The following CNTNAP2 variants were observed in gnomAD, a reference collection of about 807,000 sequenced individuals.
CNTNAP2 encodes the protein contactin-associated protein-like 2.
A neutral mutation model predicts 155.2 loss-of-function variants in CNTNAP2; 98 were observed. The observed-to-expected ratio is 0.63, with a 90% confidence interval of 0.54 to 0.75. The LOEUF is 0.75. CNTNAP2 is among the 30% of genes least tolerant of loss of function. CNTNAP2 has a pLI of 0.00. For synonymous variants in CNTNAP2, 651 were observed against 631.2 expected, an observed-to-expected ratio of 1.03 and a Z score of -0.47; for missense variants, 1,727 against 1,688.1, an observed-to-expected ratio of 1.02 and a Z score of -0.40.
At chr7:147,292,335 A>G (rs976357735) in intron 8 of CNTNAP2, among the ~76,000 whole-genome samples, 1 of 152,210 alleles carries the variant, frequency 6.6e-6, no homozygotes, top group Non-Finnish European at 1.5e-5. Context: ...TTAAAAAACA[A>G]TTGACTACCT....
intron 1 of CNTNAP2, among the ~76,000 whole-genome samples, chr7:146,163,551 C>CTATA (rs1562973300): frequency 2.3e-4 from 32 of 137,872 alleles, no homozygotes; most frequent in Non-Finnish European, 3.3e-4. Context: ...ATCTATATAT[C>CTATA]TATATCTATA....
rs554204966 is a variant in CNTNAP2, at chr7:148,181,370, G to A, written c.3010+8892G>A. Reference sequence around the variant, plus strand: ...TTAAAAAATAAAGAGAGAAGGAAGAGCCAAAAAGTCAGAAAATATTTATGG... The same window carrying A: ...TTAAAAAATAAAGAGAGAAGGAAGAACCAAAAAGTCAGAAAATATTTATGG... On this transcript the variant is annotated intron_variant, in intron 18 of 23. Transcript: ENST00000361727. 6.6e-5 allele frequency among the ~76,000 whole-genome samples: 10 copies of A among 152,186 alleles called. 1 individual carries two copies. The South Asian group carries it at 2.1e-3, about 32-fold the overall frequency.
At chr7:147,246,020 A>G (rs1301713001) in intron 8 of CNTNAP2, among the ~76,000 whole-genome samples, 3 of 149,556 alleles carry the variant, frequency 2.0e-5, no homozygotes, top group Non-Finnish European at 4.4e-5. Context: ...TATAAATAAG[A>G]CTCACACATA....
chr7:146,639,936 G>A (rs1023644213), intron 1 of CNTNAP2, among the ~76,000 whole-genome samples: 6 of 152,302 alleles, frequency 3.9e-5, no homozygotes, highest in Middle Eastern at 3.4e-3. Flanking sequence ...AATAGCCAAC[G>A]GCACCCAAGA....
intron 1 of CNTNAP2, among the ~76,000 whole-genome samples, chr7:146,244,400 G>T (rs929407896): frequency 3.3e-5 from 5 of 152,068 alleles, no homozygotes; most frequent in African/African-American, 1.2e-4. Flanking sequence ...TTTTTTGGGG[G>T]CACAGTCTAA....
intron 8 of CNTNAP2, among the ~76,000 whole-genome samples, chr7:147,277,808 T>G (rs1323708401): frequency 6.6e-6 from 1 of 151,672 alleles, no homozygotes; most frequent in Non-Finnish European, 1.5e-5. Context: ...ACTTTATTGA[T>G]AGTGGCCACA....
intron 1 of CNTNAP2, among the ~76,000 whole-genome samples, chr7:146,552,295 G>C (rs1798134247): frequency 6.6e-6 from 1 of 152,092 alleles, no homozygotes; most frequent in South Asian, 2.1e-4. Context: ...ACCTGCAACA[G>C]TTCCTTCCTC....
At chr7:146,797,707 C>T (rs1298859541) in intron 2 of CNTNAP2, among the ~76,000 whole-genome samples, 1 of 152,150 alleles carries the variant, frequency 6.6e-6, no homozygotes, top group African/African-American at 2.4e-5. Flanking sequence ...AACAAGCTAC[C>T]ACCAAAATCT....
intron 1 of CNTNAP2, among the ~76,000 whole-genome samples, chr7:146,737,230 T>A (rs1247594991): frequency 6.6e-6 from 1 of 152,184 alleles, no homozygotes; most frequent in Non-Finnish European, 1.5e-5. Flanking sequence ...GTGAAATGAC[T>A]AAATCTGGCT....
At chr7:147,120,544 C>T (rs1801084656) in intron 5 of CNTNAP2, among the ~76,000 whole-genome samples, 1 of 152,080 alleles carries the variant, frequency 6.6e-6, no homozygotes, top group Non-Finnish European at 1.5e-5. Flanking sequence ...CACTTTTTTC[C>T]ATGTTTAATA....
chr7:147,044,062 TC>T lies in CNTNAP2; in HGVS notation c.550+9del. ...TTTATGGCTGTTCTTACTGTGAGTA[TC>T]GTATTGTTTAAATTTGTGGCAGGTT... On this transcript the variant is annotated intron_variant, in intron 4 of 23. Transcript: ENST00000361727. 6.2e-7 allele frequency: 1 copy of T among 1,614,088 alleles called. No homozygotes were observed. Among genetic ancestry groups the T allele is most frequent in the Non-Finnish European group, 8.5e-7 (1 of 1,179,972 alleles).
intron 1 of CNTNAP2, among the ~76,000 whole-genome samples, chr7:146,686,228 G>C (rs2642491): frequency 0.8 from 121,710 of 152,030 alleles, 49,311 homozygotes; most frequent in South Asian, 0.91. Context: ...CCCAGGAGGT[G>C]AAGGCTGTTG....
At position 146,831,449 on chromosome 7, in the gene CNTNAP2, G is replaced by T. The variant is rs913813680; in HGVS notation, c.209-8262G>T. Reference sequence around the variant, plus strand: ...TCTCTGCACTTTGGGAAGCCGAGGTGGGCGGATCATGAGGTCGAGAGATCG... The same window carrying T: ...TCTCTGCACTTTGGGAAGCCGAGGTTGGCGGATCATGAGGTCGAGAGATCG... On this transcript the variant is annotated intron_variant, in intron 2 of 23. Coordinates refer to ENST00000361727, the MANE Select transcript of CNTNAP2 (RefSeq NM_014141.6). 4.6e-5 allele frequency among the ~76,000 whole-genome samples: 7 copies of T among 151,928 alleles called. No individual in the cohort carries two copies. In the East Asian group the frequency reaches 1.4e-3, roughly 29 times the overall value.
intron 13 of CNTNAP2, among the ~76,000 whole-genome samples, chr7:147,798,009 C>G (rs555314731): frequency 6.6e-6 from 1 of 152,202 alleles, no homozygotes; most frequent in Non-Finnish European, 1.5e-5. Flanking sequence ...CGTGGTAATA[C>G]AGCCGTAACT....
intron 1 of CNTNAP2, among the ~76,000 whole-genome samples, chr7:146,391,118 G>A (rs1795537358): frequency 6.8e-6 from 1 of 147,258 alleles, no homozygotes; most frequent in Admixed American, 6.8e-5. Flanking sequence ...TATATATTTA[G>A]TATATATATT....
intron 16 of CNTNAP2, 106 bp from the exon 17 acceptor site, chr7:148,147,385 C>T (rs1032846120): frequency 1.9e-6 from 2 of 1,075,770 alleles, no homozygotes; most frequent in African/African-American, 1.5e-5. Context: ...ACGTGACAGG[C>T]TTAGATGATT....
chr7:148,272,663 C>T (rs1796803798), intron 21 of CNTNAP2, among the ~76,000 whole-genome samples: 1 of 152,018 alleles, frequency 6.6e-6, no homozygotes, highest in Non-Finnish European at 1.5e-5. Context: ...TATACAATCA[C>T]CTAAATAGAA....
At chr7:147,559,467 A>G (rs1489810654) in intron 11 of CNTNAP2, among the ~76,000 whole-genome samples, 2 of 152,252 alleles carry the variant, frequency 1.3e-5, no homozygotes, top group East Asian at 3.9e-4. Flanking sequence ...CTAGAAGAAC[A>G]TTGGTTAAAA....
intron 17 of CNTNAP2, among the ~76,000 whole-genome samples, chr7:148,158,562 C>G (rs1805450581): frequency 6.6e-6 from 1 of 152,088 alleles, no homozygotes; most frequent in African/African-American, 2.4e-5. Context: ...ATAATCAAAT[C>G]AACAGTGTAC....
Sources: gnomAD v4.1 joint callset for allele counts (sites outside exome capture counted in the v4.1 genomes callset) on GRCh38, gnomAD v4.1.1 for gene constraint, MANE v1.5 for transcripts, NCBI Gene and HGNC (gene_info 2026-07-23, HGNC 2026-07-21) for gene names.